Variants in ZMAT4 observed in about 807,000 individuals in gnomAD.
ZMAT4 encodes the protein zinc finger matrin-type 4.
Under a neutral mutation model 28.7 loss-of-function variants are expected in ZMAT4, and 17 were observed. The ratio of observed to expected loss-of-function variants is 0.59; its 90% CI spans 0.41 to 0.89. The LOEUF (loss-of-function observed/expected upper bound fraction) is 0.89. Ranked by LOEUF, ZMAT4 falls within the 40% of genes least tolerant of loss-of-function variation. The pLI, the probability that ZMAT4 is intolerant of heterozygous loss-of-function variation, is 0.00. For synonymous variants in ZMAT4, 117 were observed against 109.2 expected (o/e 1.07, Z -0.44); for missense variants, 240 against 283.8 (o/e 0.85, Z 1.11).
At chr8:40,597,209 G>A (rs534610505) in intron 5 of ZMAT4, among the ~76,000 whole-genome samples, 45 of 152,316 alleles carry the variant, frequency 3.0e-4, no homozygotes, top group Admixed American at 9.1e-4. Context: ...TTTAGTGCAT[G>A]TATACACTCA....
intron 1 of ZMAT4, among the ~76,000 whole-genome samples, chr8:40,829,731 A>C (rs1016817766): frequency 4.6e-5 from 7 of 152,186 alleles, no homozygotes; most frequent in Non-Finnish European, 1.0e-4. Context: ...GGATTTGAGA[A>C]GACAGAAAGG....
intron 3 of ZMAT4, among the ~76,000 whole-genome samples, chr8:40,705,373 G>A (rs1810307618): frequency 6.6e-6 from 1 of 152,124 alleles, no homozygotes; most frequent in African/African-American, 2.4e-5. Context: ...TGAGAGGCAG[G>A]TGGGAAGATC....
At chr8:40,668,378 G>T (rs1349901008) in intron 5 of ZMAT4, among the ~76,000 whole-genome samples, 1 of 150,714 alleles carries the variant, frequency 6.6e-6, no homozygotes, top group African/African-American at 2.4e-5. Flanking sequence ...GCTGAGGCAG[G>T]AGAATTGCTT....
intron 3 of ZMAT4, among the ~76,000 whole-genome samples, chr8:40,702,956 T>A (rs972322346): frequency 6.6e-6 from 1 of 152,032 alleles, no homozygotes; most frequent in Non-Finnish European, 1.5e-5. Context: ...GAGATAACAA[T>A]CGATTAAAAA....
chr8:40,833,799 G>C (rs1563515548), intron 1 of ZMAT4, among the ~76,000 whole-genome samples: 1 of 152,144 alleles, frequency 6.6e-6, no homozygotes, highest in Non-Finnish European at 1.5e-5. Context: ...TCAATTCCCT[G>C]TTCCTCAGGA....
At chr8:40,623,373 A>G (rs750855045) in intron 5 of ZMAT4, among the ~76,000 whole-genome samples, 1 of 152,246 alleles carries the variant, frequency 6.6e-6, no homozygotes, top group Non-Finnish European at 1.5e-5. Flanking sequence ...AACAAGAATA[A>G]TATTTTCCTT....
intron 2 of ZMAT4, among the ~76,000 whole-genome samples, chr8:40,797,595 G>A (rs1421723348): frequency 1.3e-5 from 2 of 152,184 alleles, no homozygotes; most frequent in Non-Finnish European, 2.9e-5. Context: ...TTGTAGCTGT[G>A]CACATTACAG....
At chr8:40,892,696 G>T (rs1026965825) in intron 1 of ZMAT4, among the ~76,000 whole-genome samples, 1 of 152,214 alleles carries the variant, frequency 6.6e-6, no homozygotes, top group Non-Finnish European at 1.5e-5. Context: ...CAACGCCAAG[G>T]CCTGTTACCT....
chr8:40,846,167 A>AC (rs1055732053), intron 1 of ZMAT4, among the ~76,000 whole-genome samples: 29 of 151,440 alleles, frequency 1.9e-4, no homozygotes, highest in Admixed American at 2.0e-4. Context: ...CAAACGCACC[A>AC]CCCCCCTCCC....
At chr8:40,874,381 A>G (rs1227748970) in intron 1 of ZMAT4, among the ~76,000 whole-genome samples, 4 of 152,216 alleles carry the variant, frequency 2.6e-5, no homozygotes, top group African/African-American at 9.6e-5. Flanking sequence ...GTGGCTATTT[A>G]GTGGGTTCTG....
chr8:40,823,650 C>A (rs976574735), intron 2 of ZMAT4, among the ~76,000 whole-genome samples: 2 of 152,056 alleles, frequency 1.3e-5, no homozygotes, highest in African/African-American at 2.4e-5. Flanking sequence ...CAGAGTGAGA[C>A]TCCATCACAC....
At chr8:40,805,502 A>C (rs1343232660) in intron 2 of ZMAT4, among the ~76,000 whole-genome samples, 1 of 143,456 alleles carries the variant, frequency 7.0e-6, no homozygotes, top group Non-Finnish European at 1.5e-5. Flanking sequence ...ATGTTTATTG[A>C]GGCATTATTC....
chr8:40,621,031 G>C (rs756631815), intron 5 of ZMAT4, among the ~76,000 whole-genome samples: 10 of 152,200 alleles, frequency 6.6e-5, no homozygotes, highest in Admixed American at 3.3e-4. Flanking sequence ...TGAGGCTTGA[G>C]TTGCTTTATT....
intron 5 of ZMAT4, among the ~76,000 whole-genome samples, chr8:40,620,479 A>C (rs948193327): frequency 6.6e-6 from 1 of 152,204 alleles, no homozygotes; most frequent in Non-Finnish European, 1.5e-5. Flanking sequence ...GTAAAAGAAC[A>C]TTTTTGTAGC....
intron 4 of ZMAT4, among the ~76,000 whole-genome samples, chr8:40,679,895 A>G (rs1385787402): frequency 6.6e-6 from 1 of 152,172 alleles, no homozygotes; most frequent in Admixed American, 6.5e-5. Flanking sequence ...AATAAATAAA[A>G]TGTTCTTTAC....
chr8:40,641,324 A>G (rs766807933), intron 5 of ZMAT4, among the ~76,000 whole-genome samples: 2 of 152,092 alleles, frequency 1.3e-5, no homozygotes, highest in African/African-American at 2.4e-5. Flanking sequence ...AATATAATGG[A>G]AAAAAAAGTC....
chr8:40,647,928 C>G (rs1339241308), intron 5 of ZMAT4, among the ~76,000 whole-genome samples: 1 of 152,180 alleles, frequency 6.6e-6, no homozygotes, highest in Non-Finnish European at 1.5e-5. Flanking sequence ...ATCTGTACAT[C>G]ACCATCATCA....
intron 2 of ZMAT4, among the ~76,000 whole-genome samples, chr8:40,771,091 A>C (rs1813369953): frequency 6.6e-6 from 1 of 152,152 alleles, no homozygotes; most frequent in South Asian, 2.1e-4. Flanking sequence ...TAACAACAGA[A>C]GGCTGATAAA....
chr8:40,821,608 C>T (rs1412542685), intron 2 of ZMAT4, among the ~76,000 whole-genome samples: 1 of 152,130 alleles, frequency 6.6e-6, no homozygotes, highest in African/African-American at 2.4e-5. Context: ...GGGTGTGCAG[C>T]TATTAGGCAT....
Sources: gnomAD v4.1 joint callset for allele counts (sites outside exome capture counted in the v4.1 genomes callset) on GRCh38, gnomAD v4.1.1 for gene constraint, MANE v1.5 for transcripts, NCBI Gene and HGNC (gene_info 2026-07-23, HGNC 2026-07-21) for gene names.